PDILT: variants seen among roughly 807,000 people sequenced by gnomAD.
PDILT encodes the protein protein disulfide isomerase like, testis expressed.
PDILT carries 43 observed loss-of-function variants against 53.7 expected under a neutral mutation model. That is an observed-to-expected ratio of 0.80 (90% CI 0.63 to 1.03). PDILT has a LOEUF of 1.03. Ranked by LOEUF, PDILT falls within the 50% of genes least tolerant of loss-of-function variation. The probability of loss-of-function intolerance (pLI) is 0.00; values close to 1 mark genes in which losing one functional copy is unlikely to be tolerated. For missense variants in PDILT, 727 were observed against 712.3 expected, an observed-to-expected ratio of 1.02 and a Z score of -0.24; for synonymous variants, 282 against 274.2, an observed-to-expected ratio of 1.03 and a Z score of -0.28.
chr16:20,399,284 ATCCAGAGTAGG>A lies in PDILT; in HGVS notation c.6_16del (p.Leu3AlafsTer19). 2 of 1,614,014 alleles carry A rather than the reference ATCCAGAGTAGG, an allele frequency of 1.2e-6. No homozygotes were observed. The highest frequency in any genetic ancestry group is 1.7e-6 in the Non-Finnish European group (2 of 1,179,906). On this transcript the variant is annotated frameshift_variant, in exon 2 of 12. Transcript: ENST00000302451. LOFTEE classifies it high-confidence loss of function. ...ACAAGCGGCCACCAGCAGCAGGGGC[ATCCAGAGTAGG>A]TCCATGGCTGTCCTGCAGGGGCCGG...
chr16:20,387,947 AG>A (rs539734881), intron 2 of PDILT, among the ~76,000 whole-genome samples: 37 of 152,204 alleles, frequency 2.4e-4, no homozygotes, highest in Non-Finnish European at 3.7e-4. Flanking sequence ...CAGGTAGACC[AG>A]TCGGAGGCTA....
chr16:20,390,006 C>T (rs1966589073), intron 2 of PDILT, among the ~76,000 whole-genome samples: 1 of 152,120 alleles, frequency 6.6e-6, no homozygotes, highest in Non-Finnish European at 1.5e-5. Context: ...CAGCCCCCAG[C>T]CCCACAAGCA....
chr16:20,360,310 C>T (rs1182277174), intron 11 of PDILT, among the ~76,000 whole-genome samples: 2 of 151,922 alleles, frequency 1.3e-5, no homozygotes, highest in Non-Finnish European at 2.9e-5. Context: ...AGGGAAGCGG[C>T]CCAAGGCAAG....
chr16:20,372,975 C>T (rs1283321163), intron 6 of PDILT, 37 bp downstream of exon 6: 2 of 1,613,568 alleles, frequency 1.2e-6, no homozygotes, highest in Non-Finnish European at 1.7e-6. Flanking sequence ...ACAGTGGCCC[C>T]AGCTCCCCTT....
In PDILT at chr16:20,365,581, G is replaced by A. The variant is rs555299054; in HGVS notation, c.1117-41C>T. The A allele has an allele frequency of 3.5e-5, 56 of 1,596,840 alleles. No homozygotes were observed. In the Middle Eastern group the frequency reaches 5.0e-4, roughly 14 times the overall value. ...GAGAGGCCTAAGAGTCTTCATAAAGGGTCTTGAAGTTGTGGGGCTCCCCAC... is the reference window on the plus strand; with the variant it reads ...GAGAGGCCTAAGAGTCTTCATAAAGAGTCTTGAAGTTGTGGGGCTCCCCAC... On this transcript the variant is annotated intron_variant, in intron 8 of 11. Transcript: ENST00000302451.
intron 9 of PDILT, among the ~76,000 whole-genome samples, chr16:20,362,991 G>T (rs1252218526): frequency 7.3e-6 from 1 of 137,264 alleles, no homozygotes; most frequent in East Asian, 2.3e-4. Flanking sequence ...AGAATTGCTT[G>T]AACCCGGGAG....
chr16:20,392,594 T>A (rs1344396123), intron 2 of PDILT, among the ~76,000 whole-genome samples: 1 of 152,170 alleles, frequency 6.6e-6, no homozygotes, highest in East Asian at 1.9e-4. Flanking sequence ...GGCCGGCTAG[T>A]TTTTTTAAGA....
chr16:20,365,762 A>G (rs983456934), intron 8 of PDILT, among the ~76,000 whole-genome samples: 1 of 152,132 alleles, frequency 6.6e-6, no homozygotes, highest in South Asian at 2.1e-4. Flanking sequence ...AAAGCTTCAA[A>G]CTGGGATGGA....
intron 8 of PDILT, among the ~76,000 whole-genome samples, chr16:20,366,105 A>G (rs1446993192): frequency 6.6e-6 from 1 of 152,064 alleles, no homozygotes; most frequent in Non-Finnish European, 1.5e-5. Context: ...AAAAAAAAAA[A>G]AAAAAAATTA....
rs529640559 is a variant in PDILT, at chr16:20,399,319, G to A, written c.-7-12C>T. 96 of 1,612,660 alleles carry A rather than the reference G, an allele frequency of 6.0e-5. No individual in the cohort carries two copies. In the South Asian group the frequency reaches 8.5e-4, roughly 14 times the overall value. ...GGTCCATGGCTGTCCTGCAGGGGCC[G>A]GAGAAGGAACAGAGACCTTATCAAC... is the stretch of plus-strand genomic sequence containing the variant. On this transcript the variant is annotated splice_polypyrimidine_tract_variant and intron_variant, in intron 1 of 11. Coordinates refer to ENST00000302451, the MANE Select transcript of PDILT (RefSeq NM_174924.2).
At chr16:20,399,367 A>G in intron 1 of PDILT, 60 bp from the exon 2 acceptor site, 1 of 1,555,348 alleles carries the variant, frequency 6.4e-7, no homozygotes, top group South Asian at 1.1e-5. Context: ...GCCCCACGTC[A>G]TCACCCCCAC....
intron 2 of PDILT, among the ~76,000 whole-genome samples, chr16:20,389,798 G>A (rs369581693): frequency 1.3e-5 from 2 of 152,144 alleles, no homozygotes; most frequent in South Asian, 2.1e-4. Context: ...TGATGGGGAG[G>A]TGATGAGTAT....
chr16:20,398,356 T>C (rs571478835), intron 2 of PDILT, among the ~76,000 whole-genome samples: 1 of 152,274 alleles, frequency 6.6e-6, no homozygotes, highest in African/African-American at 2.4e-5. Flanking sequence ...GCACAGTGGT[T>C]CACGCCTGTA....
intron 2 of PDILT, among the ~76,000 whole-genome samples, chr16:20,392,049 A>T (rs1596596254): frequency 6.6e-6 from 1 of 152,036 alleles, no homozygotes; most frequent in East Asian, 2.0e-4. Flanking sequence ...AGGCAGGGAG[A>T]CCATCTCAGA....
At chr16:20,365,653 G>A (rs1235802504) in intron 8 of PDILT, 113 bp from the exon 9 acceptor site, 2 of 1,340,742 alleles carry the variant, frequency 1.5e-6, no homozygotes, top group Non-Finnish European at 2.1e-6. Flanking sequence ...TTTCACAAGA[G>A]CCTTAGGAAA....
intron 3 of PDILT, among the ~76,000 whole-genome samples, chr16:20,379,381 C>G (rs1262805291): frequency 6.6e-6 from 1 of 152,116 alleles, no homozygotes; most frequent in Non-Finnish European, 1.5e-5. Context: ...CCATGTTGGC[C>G]AGGCTGGTCT....
chr16:20,375,926 C>A (rs1966379199), intron 4 of PDILT, 142 bp downstream of exon 4: 9 of 1,023,868 alleles, frequency 8.8e-6, no homozygotes, highest in Non-Finnish European at 1.3e-5. Context: ...TCATTTGAAC[C>A]CTTGGAGCTT....
chr16:20,366,090 CAAAAA>C (rs34816350), intron 8 of PDILT, among the ~76,000 whole-genome samples: 1 of 72,278 alleles, frequency 1.4e-5, no homozygotes, highest in African/African-American at 4.5e-5. Flanking sequence ...ATTTCGTCTC[CAAAAA>C]AAAAAAAAAA....
rs1966131426 is a variant in PDILT, at chr16:20,363,089, A to T, written c.1238-507T>A. On this transcript the variant is annotated intron_variant, in intron 9 of 11. Coordinates refer to ENST00000302451, the MANE Select transcript of PDILT (RefSeq NM_174924.2). ...TCCATCTCAAAAAAAAAAAAAAAAA[A>T]AAGGAAGAAAGAAAGAAAAAGAAAA... Among the ~76,000 whole-genome samples, 8 of 150,896 alleles carry T rather than the reference A, an allele frequency of 5.3e-5. No homozygotes were observed. The South Asian group carries it at 1.7e-3, about 31-fold the overall frequency.
Sources: gnomAD v4.1 joint callset for allele counts (sites outside exome capture counted in the v4.1 genomes callset) on GRCh38, gnomAD v4.1.1 for gene constraint, MANE v1.5 for transcripts, NCBI Gene and HGNC (gene_info 2026-07-23, HGNC 2026-07-21) for gene names.